The following VPS13B variants were observed in gnomAD, a reference collection of about 807,000 sequenced individuals.
VPS13B encodes the protein vacuolar protein sorting 13 homolog B, also known as intermembrane lipid transfer protein VPS13B.
A neutral mutation model predicts 426.4 loss-of-function variants in VPS13B; 285 were observed. The ratio of observed to expected loss-of-function variants is 0.67; its 90% CI spans 0.61 to 0.74. VPS13B has a LOEUF of 0.74. Ranked by LOEUF, VPS13B falls within the 30% of genes least tolerant of loss-of-function variation. The probability of loss-of-function intolerance (pLI) is 0.00; values close to 1 mark genes in which losing one functional copy is unlikely to be tolerated. For missense variants in VPS13B, 4,537 were observed against 4,782.6 expected (o/e 0.95, Z 1.51); for synonymous variants, 1,676 against 1,676.4 (o/e 1.00, Z 0.01).
chr8:99,804,328 GC>G (rs1170289083), intron 43 of VPS13B: 2 of 152,188 alleles, frequency 1.3e-5, no homozygotes, highest in African/African-American at 2.4e-5. Flanking sequence ...GATTGAGTGG[GC>G]CCAGGCACAG....
At chr8:99,325,384 A>G (rs1810193812) in intron 19 of VPS13B, among the ~76,000 whole-genome samples, 1 of 152,188 alleles carries the variant, frequency 6.6e-6, no homozygotes, top group Admixed American at 6.6e-5. Flanking sequence ...CTTGTTCTCT[A>G]TAAATTGTCC....
chr8:99,289,032 T>TATGAATGAATGAATGAATGA (rs147774364), intron 19 of VPS13B, among the ~76,000 whole-genome samples: 35 of 146,764 alleles, frequency 2.4e-4, no homozygotes, highest in Middle Eastern at 3.4e-3. Flanking sequence ...CCCCTGCCTC[T>TATGAATGAATGAATGAATGA]ATGAATGAAT....
intron 5 of VPS13B, among the ~76,000 whole-genome samples, chr8:99,106,590 CACTT>C (rs1444839234): frequency 6.6e-6 from 1 of 152,130 alleles, no homozygotes; most frequent in Non-Finnish European, 1.5e-5. Context: ...TACATATACT[CACTT>C]ACTACTGCCC....
chr8:99,656,277 A>T (rs757474944), intron 34 of VPS13B, among the ~76,000 whole-genome samples: 1 of 152,148 alleles, frequency 6.6e-6, no homozygotes. Context: ...ATTCTGACAC[A>T]TTTCCTACCT....
In VPS13B at chr8:99,778,858, A is replaced by G. The variant is rs979347048; in HGVS notation, c.7606A>G (p.Asn2536Asp). Residue 2536 changes from asparagine (N) to aspartate (D), a missense_variant, in exon 42 of 62, where the codon AAT (asparagine) becomes GAT (aspartate). Physicochemically the swap from Asn to Asp is conservative, Grantham distance 23. Transcript: ENST00000357162. ...AGACTGTAAACTTCTAGAGTGCAGA[A>G]ATGTCACTATGCAAAGTGTGGTGAA... ...QADCKLLECR[N>D]VTMQSVVKPF... The G allele has an allele frequency of 6.2e-7, 1 of 1,614,026 alleles. No individual in the cohort carries two copies. The highest frequency in any genetic ancestry group is 8.5e-7 in the Non-Finnish European group (1 of 1,179,932).
chr8:99,295,309 A>G (rs988979906), intron 19 of VPS13B, among the ~76,000 whole-genome samples: 1 of 152,206 alleles, frequency 6.6e-6, no homozygotes, highest in Non-Finnish European at 1.5e-5. Flanking sequence ...GATTAATGAA[A>G]TAAGTATCTT....
chr8:99,019,147 G>C (rs905277522), intron 2 of VPS13B, among the ~76,000 whole-genome samples: 1 of 150,090 alleles, frequency 6.7e-6, no homozygotes, highest in Non-Finnish European at 1.5e-5. Flanking sequence ...ATCAATGTTA[G>C]TGGTTTTTTT....
intron 30 of VPS13B, among the ~76,000 whole-genome samples, chr8:99,525,221 A>T (rs573000043): frequency 5.1e-4 from 78 of 152,284 alleles, no homozygotes; most frequent in African/African-American, 1.8e-3. Flanking sequence ...TAAAAATAAT[A>T]CTTAGACAGT....
At chr8:99,522,755 C>G (rs1416034449) in intron 30 of VPS13B, among the ~76,000 whole-genome samples, 1 of 152,134 alleles carries the variant, frequency 6.6e-6, no homozygotes, top group East Asian at 1.9e-4. Flanking sequence ...AATAATTTTT[C>G]TTTGAAAGCT....
At chr8:99,691,015 T>C (rs1245165236) in intron 35 of VPS13B, among the ~76,000 whole-genome samples, 1 of 152,220 alleles carries the variant, frequency 6.6e-6, no homozygotes, top group Non-Finnish European at 1.5e-5. Flanking sequence ...TATGTTGTAA[T>C]ACTGTTCAGC....
chr8:99,323,024 G>A (rs1414024215), intron 19 of VPS13B, among the ~76,000 whole-genome samples: 1 of 152,200 alleles, frequency 6.6e-6, no homozygotes, highest in African/African-American at 2.4e-5. Context: ...ATTATCACAA[G>A]AGAGCCAAAT....
chr8:99,059,582 T>C (rs1317244426), intron 3 of VPS13B, among the ~76,000 whole-genome samples: 1 of 152,160 alleles, frequency 6.6e-6, no homozygotes, highest in African/African-American at 2.4e-5. Flanking sequence ...TATTTGAGCA[T>C]CCACAGGGGT....
chr8:99,095,080 A>G (rs1037941269), intron 3 of VPS13B, among the ~76,000 whole-genome samples: 1 of 152,036 alleles, frequency 6.6e-6, no homozygotes, highest in South Asian at 2.1e-4. Context: ...ATTTTAATTG[A>G]CTCCATGGTA....
chr8:99,452,343 C>G (rs1227030126), intron 23 of VPS13B, among the ~76,000 whole-genome samples: 1 of 152,164 alleles, frequency 6.6e-6, no homozygotes, highest in African/African-American at 2.4e-5. Flanking sequence ...CTTTGTACTC[C>G]AGTCATCACT....
At chr8:99,533,233 C>G (rs1220786075) in intron 30 of VPS13B, among the ~76,000 whole-genome samples, 1 of 152,116 alleles carries the variant, frequency 6.6e-6, no homozygotes, top group Non-Finnish European at 1.5e-5. Context: ...GCCGTCGTAC[C>G]TGGCCAATTT....
intron 29 of VPS13B, among the ~76,000 whole-genome samples, chr8:99,514,781 G>GT (rs1821969499): frequency 6.6e-6 from 1 of 152,166 alleles, no homozygotes; most frequent in Non-Finnish European, 1.5e-5. Context: ...CCTGTTTTCA[G>GT]TTTTTTTGGG....
chr8:99,343,714 A>C (rs563592991), intron 19 of VPS13B, among the ~76,000 whole-genome samples: 8 of 152,254 alleles, frequency 5.3e-5, no homozygotes, highest in Non-Finnish European at 1.2e-4. Flanking sequence ...CAGCAACAAC[A>C]ACAAAAGTAG....
intron 17 of VPS13B, among the ~76,000 whole-genome samples, chr8:99,217,936 A>C (rs1355604411): frequency 6.6e-6 from 1 of 152,218 alleles, no homozygotes; most frequent in South Asian, 2.1e-4. Context: ...AACATTTGCC[A>C]GTTTCTGACT....
chr8:99,272,417 A>C (rs1006806398), intron 17 of VPS13B, among the ~76,000 whole-genome samples: 1 of 152,166 alleles, frequency 6.6e-6, no homozygotes, highest in African/African-American at 2.4e-5. Flanking sequence ...AGATAATAAT[A>C]ATATCTATAA....
Sources: gnomAD v4.1 joint callset for allele counts (sites outside exome capture counted in the v4.1 genomes callset) on GRCh38, gnomAD v4.1.1 for gene constraint, MANE v1.5 for transcripts, NCBI Gene and HGNC (gene_info 2026-07-23, HGNC 2026-07-21) for gene names.